The following KCNIP1 variants were observed in gnomAD, a reference collection of about 807,000 sequenced individuals.
KCNIP1 encodes the protein A-type potassium channel modulatory protein KCNIP1.
A neutral mutation model predicts 33.0 loss-of-function variants in KCNIP1; 18 were observed. That is an observed-to-expected ratio of 0.55 (90% CI 0.38 to 0.81). KCNIP1 has a LOEUF of 0.81. KCNIP1 is among the 30% of genes least tolerant of loss of function. KCNIP1 has a pLI of 0.00. For synonymous variants in KCNIP1, 93 were observed against 98.3 expected, an observed-to-expected ratio of 0.95 and a Z score of 0.32; for missense variants, 238 against 271.6, an observed-to-expected ratio of 0.88 and a Z score of 0.87.
chr5:170,589,786 T>TGGTGTGTGGTGGGGTGC (rs1481431599), intron 1 of KCNIP1, among the ~76,000 whole-genome samples: 1 of 142,038 alleles, frequency 7.0e-6, no homozygotes, highest in African/African-American at 2.8e-5. Flanking sequence ...TGGTGTGATG[T>TGGTGTGTGGTGGGGTGC]GATGTGGTGT....
intron 1 of KCNIP1, among the ~76,000 whole-genome samples, chr5:170,511,264 C>T (rs549956802): frequency 2.0e-5 from 3 of 152,338 alleles, no homozygotes; most frequent in East Asian, 1.9e-4. Context: ...TATAGGGCCA[C>T]GTGAGGGCCA....
At chr5:170,584,218 C>A (rs1005065300) in intron 1 of KCNIP1, among the ~76,000 whole-genome samples, 1 of 152,244 alleles carries the variant, frequency 6.6e-6, no homozygotes, top group Non-Finnish European at 1.5e-5. Flanking sequence ...GACCTGGGAG[C>A]AGCCACGGGA....
intron 1 of KCNIP1, among the ~76,000 whole-genome samples, chr5:170,575,707 C>CTTCCTCT (rs1449533649): frequency 6.6e-6 from 1 of 152,180 alleles, no homozygotes; most frequent in African/African-American, 2.4e-5. Context: ...CACTTTGCTT[C>CTTCCTCT]TTCCTCTTTC....
At chr5:170,566,651 C>T (rs551905210) in intron 1 of KCNIP1, among the ~76,000 whole-genome samples, 2 of 152,144 alleles carry the variant, frequency 1.3e-5, no homozygotes, top group African/African-American at 2.4e-5. Flanking sequence ...GCATTGGTTT[C>T]TGTCTTAGAG....
chr5:170,385,290 G>A, intron 1 of KCNIP1: 1 of 1,613,598 alleles, frequency 6.2e-7, no homozygotes, highest in Non-Finnish European at 8.5e-7. Context: ...GTTGGGGGGT[G>A]GGCAGGCCGG....
chr5:170,448,933 G>A (rs1008578204), intron 1 of KCNIP1, among the ~76,000 whole-genome samples: 1 of 152,216 alleles, frequency 6.6e-6, no homozygotes, highest in African/African-American at 2.4e-5. Context: ...CTCAGGGAGT[G>A]TAAGGGACCC....
chr5:170,494,969 A>G (rs1368998125), intron 1 of KCNIP1, among the ~76,000 whole-genome samples: 1 of 152,238 alleles, frequency 6.6e-6, no homozygotes, highest in Non-Finnish European at 1.5e-5. Context: ...CCACAGTGGC[A>G]TTGTGAGGAT....
At chr5:170,484,388 AGC>A (rs1272843369) in intron 1 of KCNIP1, among the ~76,000 whole-genome samples, 1 of 152,088 alleles carries the variant, frequency 6.6e-6, no homozygotes, top group Non-Finnish European at 1.5e-5. Context: ...GGCGAAAACA[AGC>A]TGATCAGGTG....
chr5:170,591,453 T>C (rs1407984740), intron 1 of KCNIP1, among the ~76,000 whole-genome samples: 1 of 152,218 alleles, frequency 6.6e-6, no homozygotes, highest in East Asian at 1.9e-4. Flanking sequence ...AAAATATATG[T>C]AACAGAAAAT....
chr5:170,585,853 C>T (rs955560403), intron 1 of KCNIP1, among the ~76,000 whole-genome samples: 8 of 152,338 alleles, frequency 5.3e-5, no homozygotes, highest in African/African-American at 1.9e-4. Flanking sequence ...CAGCCCTGGC[C>T]GTGCTTTAGA....
At position 170,413,096 on chromosome 5, in the gene KCNIP1, G is replaced by A. The variant is rs115780633; in HGVS notation, c.88+59132G>A. On this transcript the variant is annotated intron_variant, in intron 1 of 7. Coordinates refer to the KCNIP1 transcript ENST00000377360. ...AGATCTGTTGAATGAGTGAATGAAG[G>A]AAGGGAGGAAGGAATGATGGTGGGT... Among the ~76,000 whole-genome samples, 1,146 of 152,336 alleles carry A rather than the reference G, an allele frequency of 7.5e-3. 17 individuals carry two copies. The highest frequency in any genetic ancestry group is 0.026 in the African/African-American group (1,101 of 41,570).
chr5:170,543,911 C>T (rs969309183), intron 1 of KCNIP1, among the ~76,000 whole-genome samples: 26 of 152,162 alleles, frequency 1.7e-4, no homozygotes, highest in African/African-American at 6.3e-4. Context: ...TTTACAACAA[C>T]CAACAAGCCG....
At chr5:170,506,235 C>G (rs1222087461) in intron 1 of KCNIP1, among the ~76,000 whole-genome samples, 1 of 152,088 alleles carries the variant, frequency 6.6e-6, no homozygotes, top group Non-Finnish European at 1.5e-5. Flanking sequence ...GGTGTGAATC[C>G]CAGCTCCATC....
chr5:170,655,690 AC>A (rs1761231362), intron 1 of KCNIP1, among the ~76,000 whole-genome samples: 1 of 152,050 alleles, frequency 6.6e-6, no homozygotes, highest in Non-Finnish European at 1.5e-5. Flanking sequence ...CAGTGCTGGG[AC>A]CATAACCCTG....
At chr5:170,494,716 G>T (rs1757276332) in intron 1 of KCNIP1, among the ~76,000 whole-genome samples, 1 of 152,190 alleles carries the variant, frequency 6.6e-6, no homozygotes, top group South Asian at 2.1e-4. Flanking sequence ...GAGGATGACA[G>T]GCTCCCCGTC....
chr5:170,474,894 GTA>G (rs1756818699), intron 1 of KCNIP1, among the ~76,000 whole-genome samples: 1 of 152,204 alleles, frequency 6.6e-6, no homozygotes, highest in African/African-American at 2.4e-5. Flanking sequence ...CCCCCACCGC[GTA>G]GAAGGGGACC....
intron 1 of KCNIP1, among the ~76,000 whole-genome samples, chr5:170,421,244 T>G (rs1755483263): frequency 6.6e-6 from 1 of 152,160 alleles, no homozygotes; most frequent in Non-Finnish European, 1.5e-5. Flanking sequence ...GCAAAAGGAT[T>G]TAGCAGAAAA....
chr5:170,357,725 A>C (rs6876821), intron 1 of KCNIP1, among the ~76,000 whole-genome samples: 2 of 152,088 alleles, frequency 1.3e-5, no homozygotes, highest in East Asian at 3.9e-4. Flanking sequence ...ACAGGGTCTC[A>C]CTATGTTGCC....
At chr5:170,505,760 G>A (rs1754693409) in intron 1 of KCNIP1, among the ~76,000 whole-genome samples, 1 of 152,204 alleles carries the variant, frequency 6.6e-6, no homozygotes, top group Admixed American at 6.5e-5. Flanking sequence ...CCCAGCTTCT[G>A]GCCCAGCTCC....
Sources: gnomAD v4.1 joint callset for allele counts (sites outside exome capture counted in the v4.1 genomes callset) on GRCh38, gnomAD v4.1.1 for gene constraint, MANE v1.5 for transcripts, NCBI Gene and HGNC (gene_info 2026-07-23, HGNC 2026-07-21) for gene names.